SBF2: variants seen among roughly 807,000 people sequenced by gnomAD.
SBF2 encodes SET binding factor 2.
In SBF2, 112 loss-of-function variants were observed where a neutral mutation model predicts 225.2. That is an observed-to-expected ratio of 0.50 (90% CI 0.43 to 0.58). The LOEUF (loss-of-function observed/expected upper bound fraction) is 0.58. Ranked by LOEUF, SBF2 falls within the 20% of genes least tolerant of loss-of-function variation. The pLI, the probability that SBF2 is intolerant of heterozygous loss-of-function variation, is 0.00. For synonymous variants in SBF2, 763 were observed against 773.3 expected, an observed-to-expected ratio of 0.99 and a Z score of 0.22; for missense variants, 1,996 against 2,206.2, an observed-to-expected ratio of 0.90 and a Z score of 1.91.
At chr11:10,151,590 T>C (rs1267980455) in intron 2 of SBF2, among the ~76,000 whole-genome samples, 1 of 152,246 alleles carries the variant, frequency 6.6e-6, no homozygotes, top group South Asian at 2.1e-4. Context: ...AACATCTCTG[T>C]TCATTTTAAC....
At chr11:9,904,753 G>T (rs1861993377) in intron 16 of SBF2, among the ~76,000 whole-genome samples, 2 of 152,334 alleles carry the variant, frequency 1.3e-5, no homozygotes, top group Admixed American at 6.5e-5. Context: ...GGCTGGGTAT[G>T]GTGGCTCACA....
At chr11:9,873,032 C>T (rs1361471472) in intron 17 of SBF2, among the ~76,000 whole-genome samples, 1 of 151,708 alleles carries the variant, frequency 6.6e-6, no homozygotes, top group Non-Finnish European at 1.5e-5. Context: ...CGGTGAAACA[C>T]TGTCTCTACC....
intron 1 of SBF2, among the ~76,000 whole-genome samples, chr11:10,224,006 T>C (rs1378470766): frequency 1.3e-5 from 2 of 152,190 alleles, no homozygotes; most frequent in Non-Finnish European, 2.9e-5. Flanking sequence ...AATGGTGTCA[T>C]GTATAGTCTA....
rs200010291 is a variant in SBF2, at chr11:10,274,750, CAAAA to C, written c.55+19261_55+19264del. 5.6e-3 allele frequency among the ~76,000 whole-genome samples: 592 copies of C among 105,048 alleles called. 5 individuals are homozygous for C. Among genetic ancestry groups the C allele is most frequent in the African/African-American group, 0.024 (562 of 23,666 alleles). The allele number at this position is 105,048 out of a possible 152,430, so 68.9% of individuals were successfully genotyped here. A position where few individuals can be genotyped will look rare whatever the true frequency, so the allele number is the denominator to read the frequency against. On this transcript the variant is annotated intron_variant, in intron 1 of 39. Transcript: ENST00000256190. ...TGGGTGACAGAGCAAGACTCCATCT[CAAAA>C]AAAAAAAAAAAAAAGAAAGAATTAG...
intron 2 of SBF2, among the ~76,000 whole-genome samples, chr11:10,149,728 G>T (rs1373240136): frequency 1.3e-5 from 2 of 152,146 alleles, no homozygotes; most frequent in Non-Finnish European, 2.9e-5. Flanking sequence ...ATCAGGGTAA[G>T]TAACTCTCTC....
At chr11:10,042,495 T>C (rs997420935) in intron 3 of SBF2, among the ~76,000 whole-genome samples, 1 of 152,156 alleles carries the variant, frequency 6.6e-6, no homozygotes, top group Admixed American at 6.5e-5. Context: ...GCAAACATTG[T>C]GAGTAAATGT....
At chr11:10,144,652 T>G (rs16907503) in intron 2 of SBF2, among the ~76,000 whole-genome samples, 11,304 of 152,290 alleles carry the variant, frequency 0.074, 612 homozygotes, top group East Asian at 0.28. Flanking sequence ...TAAATAAACT[T>G]TAAACACATT....
chr11:10,235,936 T>C (rs1959055117), intron 1 of SBF2, among the ~76,000 whole-genome samples: 2 of 152,236 alleles, frequency 1.3e-5, no homozygotes, highest in South Asian at 4.1e-4. Context: ...CCAGGTGTGG[T>C]GATTTGTGCC....
chr11:10,183,349 G>A (rs1169656515), intron 2 of SBF2, among the ~76,000 whole-genome samples: 2 of 151,876 alleles, frequency 1.3e-5, no homozygotes, highest in Non-Finnish European at 2.9e-5. Flanking sequence ...AGATCCAAGG[G>A]AAACTTCTAA....
At chr11:10,247,049 T>G (rs1959873752) in intron 1 of SBF2, among the ~76,000 whole-genome samples, 1 of 152,158 alleles carries the variant, frequency 6.6e-6, no homozygotes, top group African/African-American at 2.4e-5. Flanking sequence ...ATTATACCAC[T>G]GTGCTAGGTG....
chr11:10,170,484 G>A (rs1956141454), intron 2 of SBF2, among the ~76,000 whole-genome samples: 2 of 152,010 alleles, frequency 1.3e-5, no homozygotes, highest in Non-Finnish European at 1.5e-5. Context: ...CCATTGGTTT[G>A]TGTGTCTGGT....
chr11:9,891,804 C>T (rs1244239442), intron 17 of SBF2, among the ~76,000 whole-genome samples: 4 of 152,098 alleles, frequency 2.6e-5, no homozygotes, highest in Non-Finnish European at 5.9e-5. Context: ...TGGTGGCTGT[C>T]GCATGACAAA....
chr11:9,944,072 T>C (rs1865432850), intron 16 of SBF2, among the ~76,000 whole-genome samples: 1 of 152,214 alleles, frequency 6.6e-6, no homozygotes, highest in Non-Finnish European at 1.5e-5. Flanking sequence ...ATGAATATCA[T>C]AAGCTGCTGC....
rs1953623385 is a variant in SBF2 at position 10,124,154 on chromosome 11, C to T, written c.141+69748G>A. Among the ~76,000 whole-genome samples the T allele has an allele frequency of 2.6e-5, 4 of 152,302 alleles. No homozygotes were observed. The South Asian group carries it at 8.3e-4, about 32-fold the overall frequency. On this transcript the variant is annotated intron_variant, in intron 2 of 39. Transcript: ENST00000256190. ...AATATGTGTTTCTTCAGTGAACTGA[C>T]AGTTTGTATTTTTTTGGTTGTTGTT...
intron 36 of SBF2, among the ~76,000 whole-genome samples, chr11:9,785,751 G>A (rs1852331010): frequency 6.6e-6 from 1 of 152,062 alleles, no homozygotes; most frequent in South Asian, 2.1e-4. Context: ...TGTAGTCCCA[G>A]CTACTTGGGA....
At chr11:9,945,549 T>C (rs1359571025) in intron 16 of SBF2, among the ~76,000 whole-genome samples, 3 of 152,174 alleles carry the variant, frequency 2.0e-5, no homozygotes, top group East Asian at 3.8e-4. Flanking sequence ...AGAAGTTTCA[T>C]GGTGAATTCT....
At chr11:10,222,543 C>T (rs1958376664) in intron 1 of SBF2, among the ~76,000 whole-genome samples, 1 of 152,056 alleles carries the variant, frequency 6.6e-6, no homozygotes, top group East Asian at 1.9e-4. Context: ...GAAAAAGGTA[C>T]ACTTGAAAAC....
chr11:9,818,722 T>C (rs566749108), intron 28 of SBF2, among the ~76,000 whole-genome samples: 1 of 152,320 alleles, frequency 6.6e-6, no homozygotes, highest in East Asian at 1.9e-4. Context: ...CAGCTTCACA[T>C]GCACGAATCT....
chr11:9,974,247 G>A (rs900457047), intron 13 of SBF2, among the ~76,000 whole-genome samples: 4 of 151,984 alleles, frequency 2.6e-5, no homozygotes, highest in South Asian at 2.1e-4. Flanking sequence ...CCTAATTCAG[G>A]GTTTCTCAAC....
Sources: gnomAD v4.1 joint callset for allele counts (sites outside exome capture counted in the v4.1 genomes callset) on GRCh38, gnomAD v4.1.1 for gene constraint, MANE v1.5 for transcripts, NCBI Gene and HGNC (gene_info 2026-07-23, HGNC 2026-07-21) for gene names.